The following ARHGDIB variants were observed in gnomAD, a reference collection of about 807,000 sequenced individuals.
ARHGDIB encodes rho GDP-dissociation inhibitor 2.
In ARHGDIB, 20 loss-of-function variants were observed where a neutral mutation model predicts 22.6. The observed-to-expected ratio is 0.88, with a 90% CI of 0.62 to 1.28. The LOEUF (loss-of-function observed/expected upper bound fraction) is 1.28, where lower values mean the gene tolerates loss of function less well. ARHGDIB is among the 50% of genes most tolerant of loss of function. The pLI, the probability that ARHGDIB is intolerant of heterozygous loss-of-function variation, is 0.00. For missense variants in ARHGDIB, 254 were observed against 245.4 expected (o/e 1.04, Z -0.23); for synonymous variants, 114 against 96.1 (o/e 1.19, Z -1.09).
chr12:14,952,135 C>T (rs1864190736), intron 1 of ARHGDIB, among the ~76,000 whole-genome samples: 1 of 152,134 alleles, frequency 6.6e-6, no homozygotes, highest in Non-Finnish European at 1.5e-5. Flanking sequence ...AGTGGTTCTG[C>T]AAACCTTAAT....
In ARHGDIB at chr12:14,954,980, A is replaced by G. The variant is rs530084931; in HGVS notation, c.-12-4256T>C. On this transcript the variant is annotated intron_variant, in intron 1 of 5. Transcript: ENST00000228945. The stretch of plus-strand genomic sequence containing the variant: ...AAAATTCATCTTTAAAAGGAAATTT[A>G]AAAATTAAAAAATAAAATGTATGTG... Among the ~76,000 whole-genome samples the G allele has an allele frequency of 3.9e-5, 6 of 152,360 alleles. No homozygotes were observed. In the East Asian group the frequency reaches 1.2e-3, roughly 29 times the overall value.
Position 14,942,585 on chromosome 12 carries a change from A to C in ARHGDIB, c.543T>G (p.Asp181Glu). Residue 181 changes from aspartate to glutamate, a missense_variant, in exon 6 of 6, where the codon GAT becomes GAG. Physicochemically the swap from Asp to Glu is conservative, Grantham distance 45 (BLOSUM62 2). Coordinates refer to ENST00000228945, the MANE Select transcript of ARHGDIB (RefSeq NM_001175.7). Reference protein sequence around the residue: ...TYHNKSFFTDDDKQDHLSWEW... With the variant: ...TYHNKSFFTDEDKQDHLSWEW... Reference sequence around the variant, plus strand: ...CCCAGCTGAGGTGGTCTTGCTTGTCATCGTCGGTGAAGAAGGACTTGTTGT... The same window carrying C: ...CCCAGCTGAGGTGGTCTTGCTTGTCCTCGTCGGTGAAGAAGGACTTGTTGT... The C allele has an allele frequency of 6.2e-7, 1 of 1,614,192 alleles. No homozygotes were observed.
intron 4 of ARHGDIB, among the ~76,000 whole-genome samples, chr12:14,945,925 A>T (rs959453890): frequency 6.6e-6 from 1 of 152,244 alleles, no homozygotes; most frequent in African/African-American, 2.4e-5. Context: ...AATGTAGCTC[A>T]TAGGAATAGG....
rs1396776569 is a variant in ARHGDIB at position 14,942,658 on chromosome 12, G to A, written c.470C>T (p.Thr157Ile). 1 of 1,614,122 alleles carries A rather than the reference G, an allele frequency of 6.2e-7. No homozygotes were observed. Among genetic ancestry groups the A allele is most frequent in the Admixed American group, 1.7e-5 (1 of 60,018 alleles). Reference sequence around the variant, plus strand: ...GCCCTTGGGAGCCTCCTCAACTGGAGTGAGGAACTCATACTCCTCAGGCCG... The same window carrying A: ...GCCCTTGGGAGCCTCCTCAACTGGAATGAGGAACTCATACTCCTCAGGCCG... ...GPRPEEYEFL[T>I]PVEEAPKGML... Residue 157 changes from threonine (T) to isoleucine (I), a missense_variant, in exon 6 of 6, where the codon ACT (threonine) becomes ATT (isoleucine). Thr to Ile is a moderately conservative substitution (Grantham distance 89). Transcript: ENST00000228945.
rs907667025 is a variant in ARHGDIB, at chr12:14,942,157, G to C, written c.*365C>G. The C allele has an allele frequency of 4.1e-6, 1 of 243,814 alleles. No individual in the cohort carries two copies. Among genetic ancestry groups the C allele is most frequent in the Non-Finnish European group, 8.2e-6 (1 of 121,236 alleles). 15.1% of individuals were successfully genotyped at this position (243,814 alleles called of 1,614,324 possible). A position where few individuals can be genotyped will look rare whatever the true frequency, so the allele number is the denominator to read the frequency against. Reference sequence around the variant, plus strand: ...CAGCAACAACCACAAAAGAATCTAGGCATTAGAATGAACTACTGGAACCTG... The same window carrying C: ...CAGCAACAACCACAAAAGAATCTAGCCATTAGAATGAACTACTGGAACCTG... On this transcript the variant is annotated 3_prime_UTR_variant, in exon 6 of 6. Coordinates refer to ENST00000228945, the MANE Select transcript of ARHGDIB (RefSeq NM_001175.7).
intron 1 of ARHGDIB, among the ~76,000 whole-genome samples, chr12:14,952,342 T>C (rs1004112352): frequency 1.3e-5 from 2 of 149,878 alleles, no homozygotes; most frequent in Non-Finnish European, 3.0e-5. Context: ...CTCTTCCATC[T>C]AAATAAGCAG....
Position 14,942,477 on chromosome 12 carries a change from G to C in ARHGDIB, c.*45C>G. The C allele has an allele frequency of 6.2e-7, 1 of 1,607,746 alleles. No homozygotes were observed. Among genetic ancestry groups the C allele is most frequent in the South Asian group, 1.1e-5 (1 of 90,850 alleles). ...GGGACAGGGTGCTGAACACGCCTGA[G>C]AGAATTCTTCCAGGTGGCAAGGGTG... On this transcript the variant is annotated 3_prime_UTR_variant, in exon 6 of 6. Coordinates refer to ENST00000228945, the MANE Select transcript of ARHGDIB (RefSeq NM_001175.7).
intron 4 of ARHGDIB, among the ~76,000 whole-genome samples, chr12:14,945,833 C>T (rs573540556): frequency 5.1e-4 from 78 of 152,190 alleles, no homozygotes; most frequent in Middle Eastern, 3.4e-3. Context: ...TAGTATAAAC[C>T]TATGAAAAGC....
In ARHGDIB at chr12:14,942,462, G is replaced by C; in HGVS notation, c.*60C>G. ...TGTGGACAGGGAGGAGGGACAGGGT[G>C]CTGAACACGCCTGAGAGAATTCTTC... On this transcript the variant is annotated 3_prime_UTR_variant, in exon 6 of 6. Transcript: ENST00000228945. The C allele has an allele frequency of 1.3e-5, 20 of 1,575,698 alleles. No individual in the cohort carries two copies. Among genetic ancestry groups the C allele is most frequent in the Non-Finnish European group, 1.7e-5 (20 of 1,147,194 alleles).
At chr12:14,949,494 C>T (rs1864115406) in intron 3 of ARHGDIB, among the ~76,000 whole-genome samples, 1 of 152,152 alleles carries the variant, frequency 6.6e-6, no homozygotes, top group South Asian at 2.1e-4. Context: ...CAATTTGTTT[C>T]TTAATATTTC....
intron 4 of ARHGDIB, 28 bp from the exon 5 acceptor site, chr12:14,944,867 C>A: frequency 6.2e-7 from 1 of 1,604,318 alleles, no homozygotes; most frequent in South Asian, 1.1e-5. Context: ...CCAAGATGTT[C>A]AGATTAAGAG....
At chr12:14,949,217 CT>C (rs1324864064) in intron 3 of ARHGDIB, among the ~76,000 whole-genome samples, 2 of 152,166 alleles carry the variant, frequency 1.3e-5, no homozygotes, top group African/African-American at 4.8e-5. Context: ...AGTCTCTCTC[CT>C]CCTCAAGCCC....
At chr12:14,956,373 C>T (rs1312216343) in intron 1 of ARHGDIB, 1 of 152,042 alleles carries the variant, frequency 6.6e-6, no homozygotes, top group Non-Finnish European at 1.5e-5. Context: ...TCTCTGAGGC[C>T]CCTTCTTAAT....
At chr12:14,951,125 G>A in intron 1 of ARHGDIB, 1 of 158,368 alleles carries the variant, frequency 6.3e-6, no homozygotes, top group Admixed American at 6.2e-5. Flanking sequence ...GTCAAAGCTT[G>A]CAGCATGCAC....
At chr12:14,958,052 G>C (rs1042901013) in intron 1 of ARHGDIB, among the ~76,000 whole-genome samples, 1 of 152,136 alleles carries the variant, frequency 6.6e-6, no homozygotes, top group Admixed American at 6.5e-5. Context: ...TCGGGCTGTG[G>C]GTCTAGTGCA....
chr12:14,953,063 A>C (rs1864216812), intron 1 of ARHGDIB, among the ~76,000 whole-genome samples: 1 of 152,218 alleles, frequency 6.6e-6, no homozygotes, highest in African/African-American at 2.4e-5. Context: ...CCATTTATCT[A>C]ACATATAGGT....
At chr12:14,949,768 G>T in intron 3 of ARHGDIB, 34 bp downstream of exon 3, 1 of 1,596,636 alleles carries the variant, frequency 6.3e-7, no homozygotes, top group Non-Finnish European at 8.6e-7. Flanking sequence ...GATATCTTAG[G>T]CCCCCTTTGA....
intron 1 of ARHGDIB, among the ~76,000 whole-genome samples, chr12:14,953,121 C>T (rs1330684407): frequency 5.9e-5 from 9 of 152,078 alleles, no homozygotes; most frequent in Non-Finnish European, 7.4e-5. Flanking sequence ...TACATTTTCT[C>T]GATTCATTGC....
rs535368111 is a variant in ARHGDIB, at chr12:14,947,143, C to A, written c.342+730G>T. Among the ~76,000 whole-genome samples the A allele has an allele frequency of 2.0e-5, 3 of 152,302 alleles. No homozygotes were observed. The South Asian group carries it at 6.2e-4, about 32-fold the overall frequency. The stretch of plus-strand genomic sequence containing the variant: ...ACTGAGGCTAAGTGGGAATGAGAGG[C>A]CACCAAAGCAAACATAAACCACGAA... On this transcript the variant is annotated intron_variant, in intron 4 of 5. Transcript: ENST00000228945.
Sources: gnomAD v4.1 joint callset for allele counts (sites outside exome capture counted in the v4.1 genomes callset) on GRCh38, gnomAD v4.1.1 for gene constraint, MANE v1.5 for transcripts, NCBI Gene and HGNC (gene_info 2026-07-23, HGNC 2026-07-21) for gene names.